Variants in CYB5R4 observed in about 807,000 individuals in gnomAD.
CYB5R4 encodes the protein cytochrome b5 reductase 4.
In CYB5R4, 55 loss-of-function variants were observed where a neutral mutation model predicts 70.2. That is an observed-to-expected ratio of 0.78 (90% confidence interval 0.63 to 0.98). The LOEUF is 0.98. Among genes scored for constraint, CYB5R4 ranks in the 50% least tolerant of loss-of-function variants. The pLI is 0.00. For missense variants in CYB5R4, 562 were observed against 612.6 expected, an observed-to-expected ratio of 0.92 and a Z score of 0.87; for synonymous variants, 197 against 199.5, an observed-to-expected ratio of 0.99 and a Z score of 0.11.
chr6:83,955,455 G>A lies in CYB5R4; in HGVS notation c.1504G>A (p.Gly502Arg), dbSNP rs758835110. The A allele has an allele frequency of 1.2e-6, 2 of 1,613,352 alleles. No individual in the cohort carries two copies. Among genetic ancestry groups the A allele is most frequent in the East Asian group, 2.2e-5 (1 of 44,830 alleles). The stretch of plus-strand genomic sequence containing the variant: ...TGGACCAGTGCCATTTACAGAACAA[G>A]GAGTAAGGTGAGTAACAGTGTAGTA... ...ICGPVPFTEQGVRLLHDLNFS... is the reference protein window; with the variant it reads ...ICGPVPFTEQRVRLLHDLNFS... The change falls in exon 15 of 16, where the codon GGA (glycine) becomes AGA (arginine). Residue 502 changes from glycine to arginine, a missense_variant. Coordinates refer to ENST00000369681, the MANE Select transcript of CYB5R4 (RefSeq NM_016230.4).
intron 8 of CYB5R4, among the ~76,000 whole-genome samples, chr6:83,921,556 A>T (rs2099466378): frequency 6.6e-6 from 1 of 152,174 alleles, no homozygotes; most frequent in Non-Finnish European, 1.5e-5. Context: ...GTTCTGCCAT[A>T]GGAAGTCAGT....
chr6:83,955,343 T>G lies in CYB5R4; in HGVS notation c.1392T>G (p.Asn464Lys). The change falls in exon 15 of 16, where the codon AAT (asparagine) becomes AAG (lysine). Residue 464 changes from asparagine (N) to lysine (K), a missense_variant. Transcript: ENST00000369681. ...TCTCAGCACCTATTTCTGAATGGAA[T>G]GGCAAACAGGGACATATTTCACCAG... Reference protein sequence around the residue: ...FVLSAPISEWNGKQGHISPAL... With the variant: ...FVLSAPISEWKGKQGHISPAL... The G allele has an allele frequency of 6.2e-7, 1 of 1,613,976 alleles. No homozygotes were observed. Among genetic ancestry groups the G allele is most frequent in the Non-Finnish European group, 8.5e-7 (1 of 1,179,898 alleles).
At chr6:83,940,234 C>T in intron 13 of CYB5R4, 28 bp downstream of exon 13, 1 of 1,575,028 alleles carries the variant, frequency 6.3e-7, no homozygotes, top group Non-Finnish European at 8.6e-7. Context: ...TAATTACGAT[C>T]CTTTTTGAGG....
chr6:83,955,343 T>C lies in CYB5R4; in HGVS notation c.1392T>C (p.Asn464=). Residue 464 remains asparagine (N), a synonymous_variant, in exon 15 of 16, where the codon AAT becomes AAC. Transcript: ENST00000369681. ...TCTCAGCACCTATTTCTGAATGGAA[T>C]GGCAAACAGGGACATATTTCACCAG... The part of the protein sequence containing the change: ...FVLSAPISEW[N]GKQGHISPAL... The C allele has an allele frequency of 6.2e-7, 1 of 1,613,976 alleles. No individual in the cohort carries two copies. Among genetic ancestry groups the C allele is most frequent in the Admixed American group, 1.7e-5 (1 of 60,024 alleles).
chr6:83,914,639 G>T (rs2099465205), intron 5 of CYB5R4, among the ~76,000 whole-genome samples, 191 bp downstream of exon 5: 1 of 152,060 alleles, frequency 6.6e-6, no homozygotes, highest in African/African-American at 2.4e-5. Flanking sequence ...CCGGGTTCAA[G>T]CAATTCTCCT....
At chr6:83,946,897 C>T (rs1209384478) in intron 14 of CYB5R4, among the ~76,000 whole-genome samples, 3 of 152,086 alleles carry the variant, frequency 2.0e-5, no homozygotes, top group African/African-American at 2.4e-5. Flanking sequence ...CAAACCACTA[C>T]TCCAGGAAAT....
rs532513115 is a variant in CYB5R4 at position 83,959,952 on chromosome 6, A to G, written c.*74A>G. On this transcript the variant is annotated 3_prime_UTR_variant, in exon 16 of 16. Transcript: ENST00000369681. The stretch of plus-strand genomic sequence containing the variant: ...ATTGCTTAGGGTTTTTTAAGAGAAC[A>G]TTTTTGTACATAACAAAAGGTTAAC... The G allele has an allele frequency of 8.7e-7, 1 of 1,145,458 alleles. No individual in the cohort carries two copies. The highest frequency in any genetic ancestry group is 1.6e-5 in the African/African-American group (1 of 63,030). 71.0% of individuals were successfully genotyped at this position (1,145,458 alleles called of 1,614,324 possible).
At chr6:83,874,837 T>A (rs142300770) in intron 2 of CYB5R4, among the ~76,000 whole-genome samples, 20 of 152,006 alleles carry the variant, frequency 1.3e-4, no homozygotes, top group African/African-American at 3.4e-4. Flanking sequence ...TTTTATTTTT[T>A]TTTTTAGATA....
chr6:83,959,926 G>T lies in CYB5R4; in HGVS notation c.*48G>T. ...ATTCAACTAGTTTATCTAAATTTGT[G>T]ATTGCTTAGGGTTTTTTAAGAGAAC... On this transcript the variant is annotated 3_prime_UTR_variant, in exon 16 of 16. Transcript: ENST00000369681. 1.4e-6 allele frequency: 2 copies of T among 1,442,774 alleles called. No homozygotes were observed. The highest frequency in any genetic ancestry group is 1.3e-5 in the South Asian group (1 of 76,352). 89.4% of individuals were successfully genotyped at this position (1,442,774 alleles called of 1,614,324 possible). A position where few individuals can be genotyped will look rare whatever the true frequency, so the allele number is the denominator to read the frequency against.
intron 5 of CYB5R4, among the ~76,000 whole-genome samples, chr6:83,915,521 C>T (rs1262243388): frequency 6.6e-6 from 1 of 152,178 alleles, no homozygotes; most frequent in African/African-American, 2.4e-5. Flanking sequence ...TGATTGATTA[C>T]CGATAGACTA....
chr6:83,956,458 C>A (rs1052584534), intron 15 of CYB5R4, among the ~76,000 whole-genome samples: 3 of 152,070 alleles, frequency 2.0e-5, no homozygotes, highest in African/African-American at 7.2e-5. Context: ...GTCTAAAGAC[C>A]TGAGATCCAC....
In CYB5R4 at chr6:83,909,946, G is replaced by A. The variant is rs2099464423; in HGVS notation, c.412+856G>A. The A allele has an allele frequency of 6.0e-6, 8 of 1,332,134 alleles. No individual in the cohort carries two copies. The South Asian group carries it at 9.0e-5, about 15-fold the overall frequency. The allele number at this position is 1,332,134 out of a possible 1,614,324, so 82.5% of individuals were successfully genotyped here. Reference sequence around the variant, plus strand: ...GATTTTCTGGCCTAAAATGTTAATAGTGTTGAAGTAGAGAAACCATCTTAT... The same window carrying A: ...GATTTTCTGGCCTAAAATGTTAATAATGTTGAAGTAGAGAAACCATCTTAT... On this transcript the variant is annotated intron_variant, in intron 4 of 15. Transcript: ENST00000369681.
intron 10 of CYB5R4, among the ~76,000 whole-genome samples, chr6:83,930,538 T>G (rs1164320500): frequency 6.6e-6 from 1 of 152,170 alleles, no homozygotes; most frequent in Non-Finnish European, 1.5e-5. Flanking sequence ...ATTGCAGCAA[T>G]TCAGTCAAAT....
chr6:83,963,145 G>A lies in CYB5R4; in HGVS notation c.*3267G>A, dbSNP rs544296582. On this transcript the variant is annotated 3_prime_UTR_variant, in exon 16 of 16. Transcript: ENST00000369681. ...TATATTCAAAGGTTGCAGGCATTTG[G>A]GTGTTGACATCTTTGATGGGCACAT... The A allele has an allele frequency of 4.6e-5, 7 of 152,090 alleles. No individual in the cohort carries two copies. Among genetic ancestry groups the A allele is most frequent in the Non-Finnish European group, 1.0e-4 (7 of 68,024 alleles). 9.4% of individuals were successfully genotyped at this position (152,090 alleles called of 1,614,324 possible).
At chr6:83,908,031 T>G (rs1022603887) in intron 3 of CYB5R4, among the ~76,000 whole-genome samples, 4 of 152,300 alleles carry the variant, frequency 2.6e-5, no homozygotes, top group African/African-American at 9.6e-5. Flanking sequence ...AGTTCTGTTT[T>G]TAGTTCTTTG....
chr6:83,898,426 A>G (rs1394261112), intron 3 of CYB5R4, among the ~76,000 whole-genome samples: 6 of 151,938 alleles, frequency 3.9e-5, no homozygotes, highest in African/African-American at 1.5e-4. Context: ...CTTTTGGCTT[A>G]GGATTGACTT....
intron 14 of CYB5R4, among the ~76,000 whole-genome samples, chr6:83,953,254 A>G (rs144515227): frequency 2.2e-3 from 328 of 152,240 alleles, no homozygotes; most frequent in African/African-American, 7.5e-3. Flanking sequence ...TCACAGACTT[A>G]TTTGATAGTT....
rs34601186 is a variant in CYB5R4, at chr6:83,912,056, C to CAAA, written c.413-2341_413-2339dup. Among the ~76,000 whole-genome samples, 76 of 64,596 alleles carry CAAA rather than the reference C, an allele frequency of 1.2e-3. 1 individual carries two copies. The highest frequency in any genetic ancestry group is 3.2e-3 in the African/African-American group (63 of 19,934). The allele number at this position is 64,596 out of a possible 152,430, so 42.4% of individuals were successfully genotyped here. ...TGGGTGACAGAGAGAGGCCTTGTCT[C>CAAA]AAAAAAAAAAAAAAAAAAAAAGCCT... On this transcript the variant is annotated intron_variant, in intron 4 of 15. Transcript: ENST00000369681.
In CYB5R4 at chr6:83,934,634, A is replaced by G; in HGVS notation, c.854A>G (p.Asp285Gly). ...YRKCQLISKE[D>G]VTHDTRLFCL... ...AAGTGCCAGTTAATTTCCAAGGAAG[A>G]TGTTACTCATGATACGAGGCTTTTC... Residue 285 changes from aspartate to glycine, a missense_variant, in exon 11 of 16, where the codon GAT becomes GGT. Physicochemically the swap from Asp to Gly is moderately conservative, Grantham distance 94. Transcript: ENST00000369681. 2 of 1,612,860 alleles carry G rather than the reference A, an allele frequency of 1.2e-6. No individual in the cohort carries two copies. The highest frequency in any genetic ancestry group is 2.2e-5 in the East Asian group (1 of 44,854).
Sources: gnomAD v4.1 joint callset for allele counts (sites outside exome capture counted in the v4.1 genomes callset) on GRCh38, gnomAD v4.1.1 for gene constraint, MANE v1.5 for transcripts, NCBI Gene and HGNC (gene_info 2026-07-23, HGNC 2026-07-21) for gene names.